Variants in RPH3AL observed in about 807,000 individuals in gnomAD.
RPH3AL encodes rabphilin 3A like (without C2 domains), also known as rab effector Noc2.
RPH3AL carries 38 observed loss-of-function variants against 43.1 expected under a neutral mutation model. That is an observed-to-expected ratio of 0.88 (90% CI 0.68 to 1.15). The LOEUF is 1.15. RPH3AL is among the 50% of genes most tolerant of loss of function. RPH3AL has a pLI of 0.00. For missense variants in RPH3AL, 462 were observed against 423.2 expected, an observed-to-expected ratio of 1.09 and a Z score of -0.81; for synonymous variants, 189 against 176.3, an observed-to-expected ratio of 1.07 and a Z score of -0.57.
chr17:329,032 A>G (rs971775286), intron 2 of RPH3AL, among the ~76,000 whole-genome samples: 7 of 152,140 alleles, frequency 4.6e-5, no homozygotes, highest in African/African-American at 1.7e-4. Flanking sequence ...GGGTCGTAAA[A>G]ATGTTCTGGA....
intron 5 of RPH3AL, among the ~76,000 whole-genome samples, chr17:302,281 A>T (rs1488184314): frequency 6.6e-6 from 1 of 152,106 alleles, no homozygotes; most frequent in African/African-American, 2.4e-5. Context: ...AGGGAAACAG[A>T]TTTTCATCTG....
intron 5 of RPH3AL, among the ~76,000 whole-genome samples, chr17:288,893 T>TCTCTCCACCGTCAGACCTCACTCC (rs2042982811): frequency 5.8e-5 from 3 of 51,592 alleles, no homozygotes; most frequent in Admixed American, 1.8e-4. Flanking sequence ...CCTCACTCCC[T>TCTCTCCACCGTCAGACCTCACTCC]CTCTCTCCAC....
At chr17:321,884 C>CAG (rs1233778661) in intron 3 of RPH3AL, among the ~76,000 whole-genome samples, 11 of 152,198 alleles carry the variant, frequency 7.2e-5, no homozygotes, top group African/African-American at 2.4e-4. Context: ...CTCACGTACA[C>CAG]AGAGAAGGCC....
At chr17:349,915 C>T (rs2045320190) in intron 1 of RPH3AL, among the ~76,000 whole-genome samples, 1 of 152,206 alleles carries the variant, frequency 6.6e-6, no homozygotes, top group South Asian at 2.1e-4. Context: ...GATATTACTG[C>T]TGTGCCCAGC....
rs772849934 is a variant in RPH3AL at position 290,883 on chromosome 17, C to A, written c.352-9029G>T. Among the ~76,000 whole-genome samples, 2 of 152,144 alleles carry A rather than the reference C, an allele frequency of 1.3e-5. No individual in the cohort carries two copies. Among genetic ancestry groups the A allele is most frequent in the African/African-American group, 2.4e-5 (1 of 41,412 alleles). ...GGCCGGGACAGCTTCACAGCGTCAC[C>A]ATCCATGGCACAGAGAGGGCTGTTC... On this transcript the variant is annotated intron_variant, in intron 5 of 9. Transcript: ENST00000331302. The surrounding 1 kb of genome is among the most constrained non-coding windows in gnomAD (Gnocchi z 4.2).
At chr17:318,154 A>G (rs11651248) in intron 5 of RPH3AL, among the ~76,000 whole-genome samples, 149,419 of 152,128 alleles carry the variant, frequency 0.98, 73,425 homozygotes, top group East Asian at 1. Context: ...AGGCCGAGGC[A>G]GGCGGATCAC....
At chr17:331,651 G>T in intron 2 of RPH3AL, 1 of 1,288,242 alleles carries the variant, frequency 7.8e-7, no homozygotes. Context: ...AGCATGCAGA[G>T]GCTCCCTGAC....
rs5818749 is a variant in RPH3AL at position 268,553 on chromosome 17, G to GTTTTTTTTTT, written c.438+13205_438+13214dup. ...ATTAAGATTTTAAGTATGTTTTTGG[G>GTTTTTTTTTT]TTTTTTTTTTTTTTTTTTTTTTTTT... On this transcript the variant is annotated intron_variant, in intron 6 of 9. Transcript: ENST00000331302. Among the ~76,000 whole-genome samples the GTTTTTTTTTT allele has an allele frequency of 1.1e-4, 8 of 74,536 alleles. 1 individual carries two copies. The highest frequency in any genetic ancestry group is 1.6e-4 in the Non-Finnish European group (7 of 43,402). 48.9% of individuals were successfully genotyped at this position (74,536 alleles called of 152,430 possible).
At chr17:284,822 G>A (rs897857201) in intron 5 of RPH3AL, among the ~76,000 whole-genome samples, 2 of 152,240 alleles carry the variant, frequency 1.3e-5, no homozygotes, top group Non-Finnish European at 2.9e-5. Flanking sequence ...CACAGCTGCA[G>A]AGGCCTGACG....
intron 5 of RPH3AL, among the ~76,000 whole-genome samples, chr17:298,807 A>T (rs1317667242): frequency 6.6e-6 from 1 of 152,166 alleles, no homozygotes; most frequent in Non-Finnish European, 1.5e-5. Flanking sequence ...ATTTCTTAAT[A>T]TTCTAACAGC....
At chr17:285,446 C>T (rs73278949) in intron 5 of RPH3AL, among the ~76,000 whole-genome samples, 13 of 152,184 alleles carry the variant, frequency 8.5e-5, no homozygotes, top group African/African-American at 1.9e-4. Flanking sequence ...GCAACCAGCA[C>T]GTAATAGCGA....
chr17:298,425 G>A (rs961912539), intron 5 of RPH3AL, among the ~76,000 whole-genome samples: 12 of 152,302 alleles, frequency 7.9e-5, no homozygotes, highest in South Asian at 2.1e-4. Context: ...GGCTGGGCAC[G>A]GTGGCTCACC....
chr17:213,772 A>C lies in RPH3AL; in HGVS notation c.*80T>G. 24 of 1,100,306 alleles carry C rather than the reference A, an allele frequency of 2.2e-5. No individual in the cohort carries two copies. Among genetic ancestry groups the C allele is most frequent in the Non-Finnish European group, 3.1e-5 (23 of 730,394 alleles). The allele number at this position is 1,100,306 out of a possible 1,614,324, so 68.2% of individuals were successfully genotyped here. A position where few individuals can be genotyped will look rare whatever the true frequency, so the allele number is the denominator to read the frequency against. ...GGCCAACAGGGTGTCTGGTGAGGGC[A>C]CAAGGACCGGTCAGGGAGGAGCCGG... On this transcript the variant is annotated 3_prime_UTR_variant, in exon 10 of 10. Coordinates refer to ENST00000331302, the MANE Select transcript of RPH3AL (RefSeq NM_006987.4).
rs939803900 is a variant in RPH3AL, at chr17:333,369, A to T, written c.-37+390T>A. The T allele has an allele frequency of 3.5e-6, 4 of 1,134,008 alleles. No individual in the cohort carries two copies. The highest frequency in any genetic ancestry group is 3.5e-6 in the Non-Finnish European group (3 of 852,572). 70.2% of individuals were successfully genotyped at this position (1,134,008 alleles called of 1,614,324 possible). ...TCAGCCACCCCCATGGCGACTCTTA[A>T]CACCTTAATGTAGCACCTTCCAACT... On this transcript the variant is annotated intron_variant, in intron 2 of 9. Transcript: ENST00000331302. This position sits in a 1 kb window ranked among gnomAD's most constrained non-coding sequence, Gnocchi z 4.5.
At chr17:275,481 G>A (rs540759973) in intron 6 of RPH3AL, among the ~76,000 whole-genome samples, 36 of 152,116 alleles carry the variant, frequency 2.4e-4, no homozygotes, top group Non-Finnish European at 4.4e-4. Flanking sequence ...GCATGGGGAC[G>A]TCTGCAGTGG....
At chr17:273,044 G>A (rs112322148) in intron 6 of RPH3AL, among the ~76,000 whole-genome samples, 87 of 93,160 alleles carry the variant, frequency 9.3e-4, no homozygotes, top group Admixed American at 2.1e-3. Flanking sequence ...CGAGGGCGAC[G>A]TCAGGGAGAG....
Position 274,874 on chromosome 17 carries a change from C to T in RPH3AL, c.438+6894G>A, listed in dbSNP as rs368174871. Among the ~76,000 whole-genome samples the T allele has an allele frequency of 6.6e-5, 10 of 152,066 alleles. No homozygotes were observed. The highest frequency in any genetic ancestry group is 1.3e-4 in the Non-Finnish European group (9 of 68,000). On this transcript the variant is annotated intron_variant, in intron 6 of 9. Transcript: ENST00000331302. The surrounding 1 kb of genome is among the most constrained non-coding windows in gnomAD (Gnocchi z 4.7). Reference sequence around the variant, plus strand: ...GTTTGGTGTCTAGGAAACATAAAGACGGGCCTTACTAATAAAATAGAAAAC... The same window carrying T: ...GTTTGGTGTCTAGGAAACATAAAGATGGGCCTTACTAATAAAATAGAAAAC...
Position 290,374 on chromosome 17 carries a change from C to T in RPH3AL, c.352-8520G>A, listed in dbSNP as rs887864788. Among the ~76,000 whole-genome samples the T allele has an allele frequency of 1.3e-5, 2 of 151,772 alleles. No individual in the cohort carries two copies. The highest frequency in any genetic ancestry group is 4.8e-5 in the African/African-American group (2 of 41,292). On this transcript the variant is annotated intron_variant, in intron 5 of 9. Transcript: ENST00000331302. This position sits in a 1 kb window ranked among gnomAD's most constrained non-coding sequence, Gnocchi z 4.2. ...GGCCCGGCCACAGGGGAAATGACTC[C>T]GGGAATCCTTCACTGAGGGTGGGAA...
At chr17:317,641 T>C (rs972195524) in intron 5 of RPH3AL, among the ~76,000 whole-genome samples, 6 of 152,190 alleles carry the variant, frequency 3.9e-5, no homozygotes, top group African/African-American at 1.4e-4. Context: ...TCCAGTATTT[T>C]TGGGCCAGTT....
Sources: gnomAD v4.1 joint callset for allele counts (sites outside exome capture counted in the v4.1 genomes callset) on GRCh38, gnomAD v4.1.1 for gene constraint, Gnocchi (gnomAD v3.1) non-coding constraint, MANE v1.5 for transcripts, NCBI Gene and HGNC (gene_info 2026-07-23, HGNC 2026-07-21) for gene names.